The following SI variants were observed in gnomAD, a reference collection of about 807,000 sequenced individuals.
SI encodes the protein sucrase-isomaltase, intestinal.
In SI, 235 loss-of-function variants were observed where a neutral mutation model predicts 253.3. That is an observed-to-expected ratio of 0.93 (90% CI 0.83 to 1.03). The LOEUF (loss-of-function observed/expected upper bound fraction) is 1.03. Among genes scored for constraint, SI ranks in the 50% least tolerant of loss-of-function variants. SI has a pLI of 0.00. For synonymous variants in SI, 819 were observed against 712.0 expected, an observed-to-expected ratio of 1.15 and a Z score of -2.39; for missense variants, 2,442 against 2,211.1, an observed-to-expected ratio of 1.10 and a Z score of -2.09.
Position 165,032,703 on chromosome 3 carries a change from T to C in SI, c.2566-11A>G, listed in dbSNP as rs747570138. 5.8e-6 allele frequency: 9 copies of C among 1,545,554 alleles called. No individual in the cohort carries two copies. In the African/African-American group the frequency reaches 9.6e-5, roughly 16 times the overall value. ...AATATCTAATGTGTTCTGAGAAAAA[T>C]AGTATAAGATATTATATATTAGGTC... On this transcript the variant is annotated splice_polypyrimidine_tract_variant and intron_variant, in intron 23 of 47. Transcript: ENST00000264382.
intron 25 of SI, among the ~76,000 whole-genome samples, chr3:165,030,311 G>A (rs1376578328): frequency 4.0e-5 from 6 of 150,782 alleles, no homozygotes; most frequent in East Asian, 3.9e-4. Flanking sequence ...GAAGTAGCCC[G>A]TTACTCAACA....
At chr3:165,019,868 A>C (rs975534240) in intron 27 of SI, 98 bp from the exon 28 acceptor site, 1 of 1,110,384 alleles carries the variant, frequency 9.0e-7, no homozygotes, top group Non-Finnish European at 1.3e-6. Context: ...TCTAAAAATC[A>C]ATATTATTTT....
At chr3:165,057,818 G>C (rs1277966894) in intron 12 of SI, among the ~76,000 whole-genome samples, 1 of 151,806 alleles carries the variant, frequency 6.6e-6, no homozygotes, top group Non-Finnish European at 1.5e-5. Context: ...ATCAACACCA[G>C]ACAAGTCCTA....
At chr3:164,990,165 G>A (rs915519106) in intron 44 of SI, among the ~76,000 whole-genome samples, 6 of 151,966 alleles carry the variant, frequency 3.9e-5, no homozygotes, top group Non-Finnish European at 4.4e-5. Flanking sequence ...TGCATGTGTG[G>A]GCGAGCAGGG....
intron 42 of SI, 37 bp downstream of exon 42, chr3:164,992,276 G>T: frequency 4.3e-6 from 7 of 1,612,076 alleles, no homozygotes; most frequent in Non-Finnish European, 5.9e-6. Flanking sequence ...ATAAACCAAA[G>T]AAAATTGTGT....
At chr3:165,004,362 T>A (rs1344707279) in intron 37 of SI, among the ~76,000 whole-genome samples, 1 of 152,102 alleles carries the variant, frequency 6.6e-6, no homozygotes, top group Admixed American at 6.6e-5. Context: ...GAATGTAAAT[T>A]CATACAACCA....
chr3:165,043,097 A>G lies in SI; in HGVS notation c.1966T>C (p.Tyr656His), dbSNP rs1432675903. The G allele has an allele frequency of 2.5e-6, 4 of 1,612,298 alleles. No homozygotes were observed. The highest frequency in any genetic ancestry group is 1.1e-5 in the South Asian group (1 of 91,044). ...CRRWMQLGAF[Y>H]PFSRNHNSDG... ...GAATTATGGTTTCTGGAAAATGGAT[A>G]AAATGCCCCAAGTTGCATCCATCTT... The change falls in exon 17 of 48, where the codon TAT becomes CAT. Residue 656 changes from tyrosine (Y) to histidine (H), a missense_variant. Coordinates refer to ENST00000264382, the MANE Select transcript of SI (RefSeq NM_001041.4).
the SI span, among the ~76,000 whole-genome samples, chr3:165,085,752 C>T: frequency 1.3e-5 from 2 of 152,082 alleles, no homozygotes; most frequent in Non-Finnish European, 2.9e-5. Context: ...GAAAAGTGTT[C>T]AATTAAAATG....
Position 165,018,008 on chromosome 3 carries a change from T to C in SI, c.3482A>G (p.Asn1161Ser). The C allele has an allele frequency of 1.2e-6, 2 of 1,612,066 alleles. No individual in the cohort carries two copies. The highest frequency in any genetic ancestry group is 1.7e-6 in the Non-Finnish European group (2 of 1,178,330). The change falls in exon 29 of 48, where the codon AAT becomes AGT. Residue 1161 changes from asparagine (N) to serine (S), a missense_variant. By Grantham distance (46) the Asn-to-Ser change is conservative (BLOSUM62 1). Transcript: ENST00000264382. ...GTTGAGTAAGAAAACACCATGAGCA[T>C]TGCCCTCCTCTTCCAGAGCCATGTA... ...PYYMALEEEGNAHGVFLLNSN... is the reference protein window; with the variant it reads ...PYYMALEEEGSAHGVFLLNSN...
At chr3:165,069,596 G>A (rs918299615) in intron 3 of SI, among the ~76,000 whole-genome samples, 1 of 151,912 alleles carries the variant, frequency 6.6e-6, no homozygotes, top group African/African-American at 2.4e-5. Flanking sequence ...TGAAAATATG[G>A]CCTTGAATTT....
chr3:165,030,946 C>G (rs979978336), intron 24 of SI, 79 bp from the exon 25 acceptor site: 31 of 1,457,496 alleles, frequency 2.1e-5, no homozygotes, highest in Non-Finnish European at 2.6e-5. Context: ...TGTATCTGAT[C>G]ATTGGATGAT....
chr3:165,007,468 T>G (rs1718567919), intron 36 of SI, among the ~76,000 whole-genome samples: 1 of 152,072 alleles, frequency 6.6e-6, no homozygotes, highest in South Asian at 2.1e-4. Context: ...CAGATAAGTG[T>G]TAGCATTCTT....
chr3:165,013,881 C>T (rs929978552), intron 33 of SI, among the ~76,000 whole-genome samples: 2 of 152,038 alleles, frequency 1.3e-5, no homozygotes, highest in Non-Finnish European at 2.9e-5. Context: ...CATGCACCAC[C>T]ATGCCTAGCT....
At chr3:165,051,381 G>A (rs1266905895) in intron 13 of SI, among the ~76,000 whole-genome samples, 1 of 152,032 alleles carries the variant, frequency 6.6e-6, no homozygotes, top group Non-Finnish European at 1.5e-5. Flanking sequence ...GCAGAAATGA[G>A]AGAAATTAAT....
At chr3:165,068,547 G>A (rs562659788) in intron 5 of SI, among the ~76,000 whole-genome samples, 175 bp downstream of exon 5, 3 of 152,164 alleles carry the variant, frequency 2.0e-5, no homozygotes, top group East Asian at 3.9e-4. Context: ...CTAATTTTTC[G>A]TATTTTTAAT....
chr3:165,045,269 G>T (rs1234312236), intron 16 of SI, among the ~76,000 whole-genome samples: 1 of 151,972 alleles, frequency 6.6e-6, no homozygotes, highest in African/African-American at 2.4e-5. Context: ...ATTTTGTAGA[G>T]AATGCCTATT....
rs1268971655 is a variant in SI at position 165,037,924 on chromosome 3, T to C, written c.2402A>G (p.Glu801Gly). The C allele has an allele frequency of 1.9e-6, 3 of 1,609,792 alleles. No individual in the cohort carries two copies. Among genetic ancestry groups the C allele is most frequent in the Admixed American group, 1.7e-5 (1 of 59,748 alleles). Reference protein sequence around the residue: ...LRGGYIIPIQEPDVTTTASRK... With the variant: ...LRGGYIIPIQGPDVTTTASRK... ...CCTTGCTGTTGTTGTTACATCTGGT[T>C]CTTGAATGGGGATGATATAACCTCC... The change falls in exon 21 of 48, where the codon GAA (glutamate) becomes GGA (glycine). Residue 801 changes from glutamate (E) to glycine (G), a missense_variant. Coordinates refer to ENST00000264382, the MANE Select transcript of SI (RefSeq NM_001041.4).
intron 15 of SI, among the ~76,000 whole-genome samples, chr3:165,048,819 G>A (rs779077615): frequency 6.6e-6 from 1 of 151,904 alleles, no homozygotes; most frequent in Non-Finnish European, 1.5e-5. Context: ...GTTTCGCCAT[G>A]TTGGCCAGGC....
intron 18 of SI, 142 bp from the exon 19 acceptor site, chr3:165,040,113 A>G (rs893733218): frequency 1.4e-6 from 1 of 707,710 alleles, no homozygotes; most frequent in Admixed American, 2.0e-5. Flanking sequence ...TTTTCAATTC[A>G]TGGTTCTTAC....
Sources: gnomAD v4.1 joint callset for allele counts (sites outside exome capture counted in the v4.1 genomes callset) on GRCh38, gnomAD v4.1.1 for gene constraint, MANE v1.5 for transcripts, NCBI Gene and HGNC (gene_info 2026-07-23, HGNC 2026-07-21) for gene names.